RYR2: variants seen among roughly 807,000 people sequenced by gnomAD.
The protein encoded by RYR2 is cardiac muscle ryanodine receptor-calcium release channel.
A neutral mutation model predicts 601.1 loss-of-function variants in RYR2; 227 were observed. That is an observed-to-expected ratio of 0.38 (90% CI 0.34 to 0.42). The LOEUF is 0.42. Ranked by LOEUF, RYR2 falls within the 10% of genes least tolerant of loss-of-function variation. The probability of loss-of-function intolerance (pLI) is 1.00; values close to 1 mark genes in which losing one functional copy is unlikely to be tolerated. For synonymous variants in RYR2, 2,223 were observed against 2,175.1 expected, an observed-to-expected ratio of 1.02 and a Z score of -0.61; for missense variants, 4,646 against 6,156.5, an observed-to-expected ratio of 0.75 and a Z score of 8.21.
Position 237,707,020 on chromosome 1 carries a change from A to G in RYR2, c.9652A>G (p.Ile3218Val). Residue 3218 changes from isoleucine to valine, a missense_variant, in exon 68 of 105, where the codon ATC becomes GTC. This residue lies in a region of RYR2 where 1,497 missense variants were observed against 1,842.6 expected (regional missense o/e 0.81). Coordinates refer to ENST00000366574, the MANE Select transcript of RYR2 (RefSeq NM_001035.3). ...GTCTTTGGAGAAACTCATGGAAGAAATCGTGGAATTAGCCGAGTCCGGCAT... is the reference window on the plus strand; with the variant it reads ...GTCTTTGGAGAAACTCATGGAAGAAGTCGTGGAATTAGCCGAGTCCGGCAT... ...IPSLEKLMEE[I>V]VELAESGIRY... 1 of 1,613,932 alleles carries G rather than the reference A, an allele frequency of 6.2e-7. No individual in the cohort carries two copies.
chr1:237,528,341 TTAGTATGTATCA>T (rs1424509383), intron 24 of RYR2, among the ~76,000 whole-genome samples: 9 of 152,164 alleles, frequency 5.9e-5, no homozygotes, highest in Admixed American at 2.6e-4. Flanking sequence ...ATGTTAAATT[TTAGTATGTATCA>T]TAGTATGTAT....
chr1:237,184,121 GGT>G (rs1491419233), intron 1 of RYR2, among the ~76,000 whole-genome samples: 1 of 152,172 alleles, frequency 6.6e-6, no homozygotes, highest in Non-Finnish European at 1.5e-5. Flanking sequence ...CCTTGGGCGG[GGT>G]AAACCCAGAG....
intron 1 of RYR2, among the ~76,000 whole-genome samples, chr1:237,236,415 G>A (rs967090573): frequency 6.6e-6 from 1 of 152,176 alleles, no homozygotes; most frequent in African/African-American, 2.4e-5. Context: ...TATGTCCAAA[G>A]AGTTAGAATA....
At chr1:237,710,853 G>A (rs1249354508) in intron 70 of RYR2, among the ~76,000 whole-genome samples, 1 of 152,068 alleles carries the variant, frequency 6.6e-6, no homozygotes, top group Non-Finnish European at 1.5e-5. Context: ...ATGAATGAAT[G>A]TATAAATAAA....
chr1:237,415,816 A>C (rs1039121952), intron 10 of RYR2, among the ~76,000 whole-genome samples: 1 of 152,334 alleles, frequency 6.6e-6, no homozygotes, highest in African/African-American at 2.4e-5. Flanking sequence ...CAATTTGGGA[A>C]GTTCAAACAC....
At position 237,665,516 on chromosome 1, in the gene RYR2, C is replaced by T. The variant is rs537474641; in HGVS notation, c.8437-996C>T. Among the ~76,000 whole-genome samples the T allele has an allele frequency of 8.6e-5, 13 of 152,026 alleles. No homozygotes were observed. In the East Asian group the frequency reaches 2.5e-3, roughly 29 times the overall value. Reference sequence around the variant, plus strand: ...GGACAGGTTCAGTGAGAGTTTGGGGCTGCCCTGCGGCTGGATAATGTTTAT... The same window carrying T: ...GGACAGGTTCAGTGAGAGTTTGGGGTTGCCCTGCGGCTGGATAATGTTTAT... On this transcript the variant is annotated intron_variant, in intron 56 of 104. Transcript: ENST00000366574.
intron 1 of RYR2, among the ~76,000 whole-genome samples, chr1:237,113,343 T>G (rs1669708524): frequency 6.6e-6 from 1 of 151,806 alleles, no homozygotes; most frequent in Non-Finnish European, 1.5e-5. Flanking sequence ...GGATTACAGG[T>G]GTGCGCCACC....
intron 79 of RYR2, 134 bp from the exon 80 acceptor site, chr1:237,742,160 CTA>C (rs1691664511): frequency 1.6e-6 from 1 of 638,168 alleles, no homozygotes; most frequent in East Asian, 2.8e-5. Flanking sequence ...TCTAAGCATT[CTA>C]TCTTACATGT....
intron 2 of RYR2, among the ~76,000 whole-genome samples, chr1:237,311,782 A>G (rs1254876492): frequency 6.6e-6 from 1 of 152,138 alleles, no homozygotes; most frequent in African/African-American, 2.4e-5. Flanking sequence ...GTCGGGACTG[A>G]AAAAATCTTT....
chr1:237,606,445 G>T (rs1179258763), intron 35 of RYR2, among the ~76,000 whole-genome samples: 1 of 152,076 alleles, frequency 6.6e-6, no homozygotes, highest in African/African-American at 2.4e-5. Flanking sequence ...TTAAATGTTC[G>T]ACCTAAAACC....
At chr1:237,082,303 A>AC (rs1665796759) in intron 1 of RYR2, among the ~76,000 whole-genome samples, 6 of 140,736 alleles carry the variant, frequency 4.3e-5, no homozygotes, top group African/African-American at 1.9e-4. Context: ...AGCACTAAGC[A>AC]TGACTCTATT....
At chr1:237,420,092 A>G (rs1207817233) in intron 11 of RYR2, among the ~76,000 whole-genome samples, 1 of 152,148 alleles carries the variant, frequency 6.6e-6, no homozygotes, top group Non-Finnish European at 1.5e-5. Flanking sequence ...TATATTTTAT[A>G]CTGCATACTC....
intron 1 of RYR2, among the ~76,000 whole-genome samples, chr1:237,136,261 C>T (rs1355800385): frequency 1.3e-5 from 2 of 152,202 alleles, no homozygotes; most frequent in East Asian, 1.9e-4. Flanking sequence ...GGACTGAGAC[C>T]ACCATAATGC....
In RYR2 at chr1:237,648,593, G is replaced by A. The variant is rs779546571; in HGVS notation, c.7492G>A (p.Ala2498Thr). ...GGTTGGCTTTCTGCCAGATCTCCGG[G>A]CGGCTGCTTCTTTAGATACGGTGAG... ...LEVGFLPDLRAAASLDTAALS... is the reference protein window; with the variant it reads ...LEVGFLPDLRTAASLDTAALS... The change falls in exon 49 of 105, where the codon GCG becomes ACG. Residue 2498 changes from alanine to threonine, a missense_variant. Ala to Thr is a moderately conservative substitution (Grantham distance 58). Around this residue, in one of 17 missense-constraint regions of RYR2, gnomAD observed 1,497 missense variants for 1,842.6 expected, o/e 0.81. Transcript: ENST00000366574. 3 of 1,609,826 alleles carry A rather than the reference G, an allele frequency of 1.9e-6. No individual in the cohort carries two copies. Among genetic ancestry groups the A allele is most frequent in the Admixed American group, 1.7e-5 (1 of 59,630 alleles).
intron 100 of RYR2, among the ~76,000 whole-genome samples, chr1:237,809,819 A>G (rs1033772328): frequency 6.6e-6 from 1 of 152,218 alleles, no homozygotes; most frequent in African/African-American, 2.4e-5. Flanking sequence ...ATAATTTTAT[A>G]CTAAAGAATG....
intron 1 of RYR2, among the ~76,000 whole-genome samples, chr1:237,270,072 G>T (rs552207163): frequency 1.5e-4 from 23 of 152,218 alleles, no homozygotes; most frequent in Non-Finnish European, 2.8e-4. Flanking sequence ...GTTTTGAAAT[G>T]ACATGTGTGC....
At chr1:237,561,922 T>C (rs1382922256) in intron 27 of RYR2, among the ~76,000 whole-genome samples, 1 of 152,098 alleles carries the variant, frequency 6.6e-6, no homozygotes, top group African/African-American at 2.4e-5. Context: ...GTTGAGAGAT[T>C]TTATAGCATA....
At chr1:237,628,608 T>C (rs1327477888) in intron 41 of RYR2, among the ~76,000 whole-genome samples, 2 of 152,020 alleles carry the variant, frequency 1.3e-5, no homozygotes, top group African/African-American at 2.4e-5. Context: ...ATTTTAGAGA[T>C]AGAAACAAAA....
At chr1:237,482,383 CCTT>C (rs1031488575) in intron 17 of RYR2, among the ~76,000 whole-genome samples, 6 of 152,068 alleles carry the variant, frequency 3.9e-5, no homozygotes, top group Admixed American at 6.6e-5. Flanking sequence ...TGGTAACTAT[CCTT>C]CTACTTCCTG....
Sources: allele counts gnomAD v4.1 joint callset (sites outside exome capture counted in the v4.1 genomes callset), GRCh38; gene constraint gnomAD v4.1.1; regional missense constraint gnomAD v4.1.1; transcripts MANE v1.5; gene names NCBI Gene and HGNC (gene_info 2026-07-23, HGNC 2026-07-21).